The following SEMA4C variants were observed in gnomAD, a reference collection of about 807,000 sequenced individuals.
The protein encoded by SEMA4C is semaphorin-4C.
Under a neutral mutation model 89.0 loss-of-function variants are expected in SEMA4C, and 19 were observed. That is an observed-to-expected ratio of 0.21 (90% CI 0.15 to 0.31). SEMA4C has a LOEUF of 0.31. Among genes scored for constraint, SEMA4C ranks in the 10% least tolerant of loss-of-function variants. The probability of loss-of-function intolerance (pLI) is 1.00; values close to 1 mark genes in which losing one functional copy is unlikely to be tolerated. For synonymous variants in SEMA4C, 428 were observed against 472.7 expected (o/e 0.91, Z 1.23); for missense variants, 811 against 1,107.0 (o/e 0.73, Z 3.79).
intron 1 of SEMA4C, chr2:96,868,777 T>C (rs942447359): frequency 2.4e-5 from 24 of 984,628 alleles, no homozygotes; most frequent in Non-Finnish European, 2.8e-5. Context: ...AGGGGGTTCC[T>C]CCCGGGCCGC....
intron 1 of SEMA4C, chr2:96,869,279 C>T: frequency 1.0e-6 from 1 of 985,390 alleles, no homozygotes; most frequent in Non-Finnish European, 1.2e-6. Context: ...AGGAAACGGG[C>T]AGCCGGGAGG....
intron 12 of SEMA4C, chr2:96,863,102 C>T: frequency 3.6e-6 from 1 of 280,116 alleles, no homozygotes; most frequent in Non-Finnish European, 5.4e-6. Flanking sequence ...CCCAGCTACT[C>T]AGGAGGCTGA....
rs893508602 is a variant in SEMA4C at position 96,868,743 on chromosome 2, G to T, written c.-37-820C>A. 11 of 985,122 alleles carry T rather than the reference G, an allele frequency of 1.1e-5. No individual in the cohort carries two copies. The South Asian group carries it at 3.8e-4, about 34-fold the overall frequency. The allele number at this position is 985,122 out of a possible 1,614,324, so 61.0% of individuals were successfully genotyped here. The stretch of plus-strand genomic sequence containing the variant: ...ACTCCGGCGGCGCGCGCAGGCGACG[G>T]GGGGAGGTAGGGGCGGGGACGCGAG... On this transcript the variant is annotated intron_variant, in intron 1 of 14. Transcript: ENST00000305476.
chr2:96,867,806 A>C lies in SEMA4C; in HGVS notation c.81T>G (p.Leu27=), dbSNP rs200021944. ...CAGAAGACACTGTCTTACGCGGCAC[A>C]AGGTTCCACCACACCTCAGCCCCAA... ...LGIGAEVWWN[L]VPRKTVSSGE... Residue 27 remains leucine (L), a synonymous_variant, in exon 2 of 15, where the codon CTT becomes CTG. Transcript: ENST00000305476. 6.5e-5 allele frequency: 105 copies of C among 1,613,390 alleles called. No homozygotes were observed. Among genetic ancestry groups the C allele is most frequent in the Admixed American group, 2.3e-4 (14 of 59,874 alleles).
rs549468013 is a variant in SEMA4C, at chr2:96,867,780, C to A, written c.107G>T (p.Gly36Val). 6.0e-5 allele frequency: 97 copies of A among 1,613,508 alleles called. No homozygotes were observed. The highest frequency in any genetic ancestry group is 5.0e-4 in the Middle Eastern group (3 of 6,060). ...NLVPRKTVSS[G>V]ELATVVRRFS... ...TCCTCACCCCTCCAGGCACTCACCCCCAGAAGACACTGTCTTACGCGGCAC... is the reference window on the plus strand; with the variant it reads ...TCCTCACCCCTCCAGGCACTCACCCACAGAAGACACTGTCTTACGCGGCAC... The change falls in exon 2 of 15, where the codon GGG (glycine) becomes GTG (valine). Residue 36 changes from glycine to valine, a missense_variant and splice_region_variant. Gly to Val is a moderately radical substitution (Grantham distance 109). This residue lies in a region of SEMA4C where 119 missense variants were observed against 152.7 expected (regional missense o/e 0.78). Coordinates refer to ENST00000305476, the MANE Select transcript of SEMA4C (RefSeq NM_017789.5).
At chr2:96,869,519 C>A (rs1033065839) in intron 1 of SEMA4C, 2 of 985,174 alleles carry the variant, frequency 2.0e-6, no homozygotes, top group African/African-American at 3.5e-5. Flanking sequence ...ACAACATCGG[C>A]CTCCCTCCAA....
In SEMA4C at chr2:96,865,541, A is replaced by C. The variant is rs1302490726; in HGVS notation, c.421-4T>G. 1.2e-6 allele frequency: 2 copies of C among 1,613,456 alleles called. No homozygotes were observed. The highest frequency in any genetic ancestry group is 8.5e-7 in the Non-Finnish European group (1 of 1,179,630). On this transcript the variant is annotated splice_region_variant and splice_polypyrimidine_tract_variant and intron_variant, in intron 5 of 14. Transcript: ENST00000305476. The stretch of plus-strand genomic sequence containing the variant: ...CCAAAGTGAAGGTGAGCATGTTCTA[A>C]GGACAGAGAGAGAGGTGATGAGGAG...
chr2:96,868,674 T>G (rs1309447783), intron 1 of SEMA4C: 1 of 977,276 alleles, frequency 1.0e-6, no homozygotes, highest in East Asian at 1.2e-4. Flanking sequence ...ACCAGCCCTC[T>G]GGCGGAGGGG....
At chr2:96,868,072 C>T in intron 1 of SEMA4C, 149 bp from the exon 2 acceptor site, 1 of 1,136,002 alleles carries the variant, frequency 8.8e-7, no homozygotes, top group Non-Finnish European at 1.2e-6. Flanking sequence ...GGACCTAAGT[C>T]CCCACACTTG....
intron 1 of SEMA4C, chr2:96,869,379 T>A (rs922392713): frequency 1.0e-6 from 1 of 981,866 alleles, no homozygotes; most frequent in African/African-American, 1.8e-5. Context: ...CGGCCCTCCC[T>A]GCAGGGCGAG....
intron 2 of SEMA4C, 31 bp downstream of exon 2, chr2:96,867,745 CCT>C: frequency 6.2e-7 from 1 of 1,601,650 alleles, no homozygotes; most frequent in Non-Finnish European, 8.5e-7. Context: ...GCAGCCTGTC[CCT>C]GACTTCCTCC....
rs1236665726 is a variant in SEMA4C, at chr2:96,864,690, C to T, written c.962+15G>A. ...CCAGCTCCTCCCCACTCTGTGGGAG[C>T]CCTGGCCAACTCACCACTGTGCTTG... On this transcript the variant is annotated intron_variant, in intron 9 of 14. Coordinates refer to ENST00000305476, the MANE Select transcript of SEMA4C (RefSeq NM_017789.5). The surrounding 1 kb of genome is among the most constrained non-coding windows in gnomAD (Gnocchi z 6.3). The T allele has an allele frequency of 6.3e-7, 1 of 1,592,918 alleles. No individual in the cohort carries two copies. Among genetic ancestry groups the T allele is most frequent in the Non-Finnish European group, 8.6e-7 (1 of 1,166,662 alleles).
In SEMA4C at chr2:96,865,498, C is replaced by G; in HGVS notation, c.460G>C (p.Asp154His). The change falls in exon 6 of 15, where the codon GAT becomes CAT. Residue 154 changes from aspartate (D) to histidine (H), a missense_variant. Physicochemically the swap from Asp to His is moderately conservative, Grantham distance 81. Coordinates refer to ENST00000305476, the MANE Select transcript of SEMA4C (RefSeq NM_017789.5). ...TFTLEHGEFE[D>H]GKGKCPYDPA... is the part of the protein sequence containing the mutation. ...TCATAGGGACACTTGCCCTTCCCAT[C>G]TTCAAACTCTCCATGCTCCAAAGTG... 1 of 1,614,090 alleles carries G rather than the reference C, an allele frequency of 6.2e-7. No individual in the cohort carries two copies. The highest frequency in any genetic ancestry group is 8.5e-7 in the Non-Finnish European group (1 of 1,180,036).
chr2:96,863,077 G>T, intron 12 of SEMA4C: 1 of 188,758 alleles, frequency 5.3e-6, no homozygotes, highest in Non-Finnish European at 9.8e-6. Context: ...GGGCATAGTG[G>T]CAGGCACCTG....
Position 96,861,209 on chromosome 2 carries a change from C to T in SEMA4C, c.1919G>A (p.Gly640Asp), listed in dbSNP as rs1396272784. 1 of 1,610,560 alleles carries T rather than the reference C, an allele frequency of 6.2e-7. No homozygotes were observed. Among genetic ancestry groups the T allele is most frequent in the South Asian group, 1.1e-5 (1 of 91,072 alleles). Reference protein sequence around the residue: ...EEQGARLAAEGYLVAVVAGPS... With the variant: ...EEQGARLAAEDYLVAVVAGPS... ...GCCTGCCACGACAGCCACAAGGTAG[C>T]CTTCAGCAGCCAGCCGCGCCCCCTG... is the stretch of plus-strand genomic sequence containing the variant. The change falls in exon 15 of 15, where the codon GGC becomes GAC. Residue 640 changes from glycine to aspartate, a missense_variant. Gly to Asp is a moderately conservative substitution (Grantham distance 94). Transcript: ENST00000305476. This position sits in a 1 kb window ranked among gnomAD's most constrained non-coding sequence, Gnocchi z 7.8.
At position 96,860,667 on chromosome 2, in the gene SEMA4C, G is replaced by A; in HGVS notation, c.2461C>T (p.Gln821Ter). 1 of 1,612,746 alleles carries A rather than the reference G, an allele frequency of 6.2e-7. No individual in the cohort carries two copies. Among genetic ancestry groups the A allele is most frequent in the Non-Finnish European group, 8.5e-7 (1 of 1,179,576 alleles). Residue 821 changes from glutamine to a stop codon, truncating the protein, a stop_gained, in exon 15 of 15, where the codon CAG becomes TAG. Transcript: ENST00000305476. LOFTEE classifies it high-confidence loss of function. ...TCGGGGTTGGAGTCGGGCAGTGGCT[G>A]GCGTTGCTGCAGTTTGCGTCTCAGT... is the stretch of plus-strand genomic sequence containing the variant. ...DELRRKLQQR[Q>*]PLPDSNPEES...
upstream of SEMA4C, chr2:96,870,336 G>A (rs2080175715): frequency 4.1e-5 from 40 of 984,656 alleles, no homozygotes; most frequent in Non-Finnish European, 4.6e-5. Flanking sequence ...AGGTGGGGCG[G>A]GGGAGGGACT....
intron 1 of SEMA4C, chr2:96,869,492 C>G: frequency 7.1e-6 from 7 of 985,274 alleles, no homozygotes; most frequent in Non-Finnish European, 7.2e-6. Context: ...GGGGCCGCGG[C>G]AGGGAAATCC....
At position 96,864,712 on chromosome 2, in the gene SEMA4C, C is replaced by A. The variant is rs368452656; in HGVS notation, c.955G>T (p.Ala319Ser). 4 of 1,607,658 alleles carry A rather than the reference C, an allele frequency of 2.5e-6. No homozygotes were observed. Among genetic ancestry groups the A allele is most frequent in the African/African-American group, 1.3e-5 (1 of 74,856 alleles). Reference protein sequence around the residue: ...HNTTFFGVFQAQWGDMYLSAI... With the variant: ...HNTTFFGVFQSQWGDMYLSAI... ...GAGCCCTGGCCAACTCACCACTGTGCTTGAAAAACCCCAAAGAAGGTGGTG... is the reference window on the plus strand; with the variant it reads ...GAGCCCTGGCCAACTCACCACTGTGATTGAAAAACCCCAAAGAAGGTGGTG... Residue 319 changes from alanine to serine, a missense_variant, in exon 9 of 15, where the codon GCA becomes TCA. Physicochemically the swap from Ala to Ser is moderately conservative, Grantham distance 99. Around this residue, in one of 4 missense-constraint regions of SEMA4C, gnomAD observed 441 missense variants for 664.9 expected, o/e 0.66. Transcript: ENST00000305476. This position sits in a 1 kb window ranked among gnomAD's most constrained non-coding sequence, Gnocchi z 6.3.
Sources: allele counts gnomAD v4.1 joint callset, GRCh38; gene constraint gnomAD v4.1.1; regional missense constraint gnomAD v4.1.1; non-coding constraint Gnocchi (gnomAD v3.1); transcripts MANE v1.5; gene names NCBI Gene and HGNC (gene_info 2026-07-23, HGNC 2026-07-21).